The following BTBD2 variants were observed in gnomAD, a reference collection of about 807,000 sequenced individuals.
BTBD2 encodes BTB/POZ domain-containing protein 2.
In BTBD2, 15 loss-of-function variants were observed where a neutral mutation model predicts 44.0. That is an observed-to-expected ratio of 0.34 (90% CI 0.23 to 0.53). The LOEUF is 0.53. Ranked by LOEUF, BTBD2 falls within the 20% of genes least tolerant of loss-of-function variation. The probability of loss-of-function intolerance (pLI) is 0.95; values close to 1 mark genes in which losing one functional copy is unlikely to be tolerated. For synonymous variants in BTBD2, 443 were observed against 335.9 expected (o/e 1.32, Z -3.49); for missense variants, 657 against 746.4 (o/e 0.88, Z 1.39).
At chr19:1,990,873 C>G in intron 3 of BTBD2, 51 bp from the exon 4 acceptor site, 1 of 1,474,256 alleles carries the variant, frequency 6.8e-7, no homozygotes, top group Non-Finnish European at 9.2e-7. Flanking sequence ...GCACCCAGCC[C>G]TCGGCAGATC....
intron 1 of BTBD2, among the ~76,000 whole-genome samples, chr19:2,013,183 C>T (rs1157255734): frequency 6.6e-6 from 1 of 152,186 alleles, no homozygotes; most frequent in Non-Finnish European, 1.5e-5. Flanking sequence ...AGCCAGAACA[C>T]GTTAACAAAA....
chr19:1,986,656 G>A lies in BTBD2; in HGVS notation c.1417-7C>T, dbSNP rs755179400. 3.7e-6 allele frequency: 6 copies of A among 1,613,142 alleles called. No homozygotes were observed. The highest frequency in any genetic ancestry group is 5.1e-6 in the Non-Finnish European group (6 of 1,179,496). On this transcript the variant is annotated splice_polypyrimidine_tract_variant and splice_region_variant and intron_variant, in intron 8 of 8. Coordinates refer to ENST00000255608, the MANE Select transcript of BTBD2 (RefSeq NM_017797.4). Reference sequence around the variant, plus strand: ...CGTAGTGGGAGTCTGGGCCCTGTAGGGAATAGGGGTACAGTGAGGTCAAGG... The same window carrying A: ...CGTAGTGGGAGTCTGGGCCCTGTAGAGAATAGGGGTACAGTGAGGTCAAGG...
At chr19:1,995,200 C>A (rs1400937405) in intron 2 of BTBD2, among the ~76,000 whole-genome samples, 1 of 151,714 alleles carries the variant, frequency 6.6e-6, no homozygotes. Context: ...CTCCTGACCT[C>A]AGGTGATCCA....
intron 1 of BTBD2, among the ~76,000 whole-genome samples, chr19:1,999,742 C>T (rs1208277308): frequency 6.6e-6 from 1 of 151,470 alleles, no homozygotes; most frequent in Non-Finnish European, 1.5e-5. Flanking sequence ...AGGCAAATCA[C>T]CTGGGGTCAG....
Position 1,992,768 on chromosome 19 carries a change from C to T in BTBD2, c.684+252G>A, listed in dbSNP as rs372216668. Reference sequence around the variant, plus strand: ...TGTGTTTTTAGTAGAGATAGGATTTCGCCATGTTGGCCAGGCTGGTCTGGA... The same window carrying T: ...TGTGTTTTTAGTAGAGATAGGATTTTGCCATGTTGGCCAGGCTGGTCTGGA... On this transcript the variant is annotated intron_variant, in intron 3 of 8. Transcript: ENST00000255608. Among the ~76,000 whole-genome samples the T allele has an allele frequency of 2.3e-3, 348 of 152,186 alleles. 1 individual carries two copies. The highest frequency in any genetic ancestry group is 7.9e-3 in the African/African-American group (330 of 41,532).
chr19:2,010,202 GTGCA>G (rs2016447061), intron 1 of BTBD2, among the ~76,000 whole-genome samples: 1 of 152,200 alleles, frequency 6.6e-6, no homozygotes, highest in Non-Finnish European at 1.5e-5. Context: ...ACCAGCCAAT[GTGCA>G]CATCTACAAA....
intron 2 of BTBD2, 144 bp downstream of exon 2, chr19:1,997,200 C>T (rs941694151): frequency 7.9e-7 from 1 of 1,261,824 alleles, no homozygotes; most frequent in African/African-American, 1.5e-5. Flanking sequence ...AAAAAAGTGC[C>T]TCTGGAACCC....
intron 1 of BTBD2, among the ~76,000 whole-genome samples, chr19:2,009,001 G>T (rs2016428464): frequency 6.7e-6 from 1 of 149,652 alleles, no homozygotes; most frequent in Non-Finnish European, 1.5e-5. Context: ...TGAAATGTGA[G>T]ACCCCAGAAC....
At chr19:2,012,636 G>A (rs943019863) in intron 1 of BTBD2, among the ~76,000 whole-genome samples, 3 of 152,134 alleles carry the variant, frequency 2.0e-5, no homozygotes, top group Non-Finnish European at 2.9e-5. Flanking sequence ...CCCTAACCCC[G>A]CATGTCGAGG....
intron 1 of BTBD2, among the ~76,000 whole-genome samples, chr19:2,012,869 C>G (rs530610067): frequency 1.3e-5 from 2 of 152,194 alleles, no homozygotes; most frequent in Non-Finnish European, 2.9e-5. Flanking sequence ...CCACCTCCCC[C>G]CTCAAACAGA....
intron 1 of BTBD2, among the ~76,000 whole-genome samples, chr19:1,999,755 GT>G (rs1285851292): frequency 6.6e-6 from 1 of 151,004 alleles, no homozygotes; most frequent in Non-Finnish European, 1.5e-5. Flanking sequence ...GGGGTCAGGA[GT>G]TGGGAGACCA....
intron 1 of BTBD2, among the ~76,000 whole-genome samples, chr19:1,999,768 C>G (rs1363918764): frequency 6.6e-6 from 1 of 151,880 alleles, no homozygotes; most frequent in Non-Finnish European, 1.5e-5. Flanking sequence ...GGGAGACCAG[C>G]CTGGCCAACA....
intron 4 of BTBD2, chr19:1,990,509 G>C (rs2016160241): frequency 1.1e-5 from 7 of 616,162 alleles, no homozygotes; most frequent in Non-Finnish European, 1.7e-5. Context: ...CATCAGCTGG[G>C]ATGGTGGGCT....
At chr19:1,994,054 C>G (rs982840778) in intron 2 of BTBD2, among the ~76,000 whole-genome samples, 2 of 143,488 alleles carry the variant, frequency 1.4e-5, no homozygotes, top group African/African-American at 5.2e-5. Context: ...TGGTGGTTCA[C>G]GCCTGTAATC....
chr19:2,010,873 A>G (rs1354533301), intron 1 of BTBD2, among the ~76,000 whole-genome samples: 1 of 152,138 alleles, frequency 6.6e-6, no homozygotes, highest in Non-Finnish European at 1.5e-5. Flanking sequence ...CCCTGACCTC[A>G]GATGTCTGCC....
chr19:1,986,320 G>A lies in BTBD2; in HGVS notation c.*168C>T. ...CTGATCCAGCAGCCACACTCGTGGT[G>A]AACACAGGGCAACCCCGTCCTGATG... On this transcript the variant is annotated 3_prime_UTR_variant, in exon 9 of 9. Coordinates refer to ENST00000255608, the MANE Select transcript of BTBD2 (RefSeq NM_017797.4). 1 of 849,884 alleles carries A rather than the reference G, an allele frequency of 1.2e-6. No homozygotes were observed. The allele number at this position is 849,884 out of a possible 1,614,324, so 52.6% of individuals were successfully genotyped here.
chr19:1,997,674 G>A (rs2016269272), intron 1 of BTBD2, among the ~76,000 whole-genome samples: 1 of 152,204 alleles, frequency 6.6e-6, no homozygotes, highest in Non-Finnish European at 1.5e-5. Context: ...GGACAGGCAG[G>A]GCTAGGACCA....
In BTBD2 at chr19:1,986,455, C is replaced by T. The variant is rs779245603; in HGVS notation, c.*33G>A. The T allele has an allele frequency of 3.7e-6, 6 of 1,608,560 alleles. No individual in the cohort carries two copies. Among genetic ancestry groups the T allele is most frequent in the East Asian group, 2.2e-5 (1 of 44,768 alleles). ...GATGGCCTGGGGCTGCGGCTATCCC[C>T]ACGGAGGGAGGGCGGTGTCGGTGTC... On this transcript the variant is annotated 3_prime_UTR_variant, in exon 9 of 9. Coordinates refer to ENST00000255608, the MANE Select transcript of BTBD2 (RefSeq NM_017797.4).
rs1290956366 is a variant in BTBD2 at position 1,987,564 on chromosome 19, T to C, written c.1117A>G (p.Ser373Gly). Residue 373 changes from serine (S) to glycine (G), a missense_variant, in exon 6 of 9, where the codon AGC becomes GGC. Ser to Gly is a moderately conservative substitution (Grantham distance 56). This residue lies in a region of BTBD2 where 449 missense variants were observed against 510.9 expected (regional missense o/e 0.88). Coordinates refer to ENST00000255608, the MANE Select transcript of BTBD2 (RefSeq NM_017797.4). ...PRCCLRGKECSINRFQQVESR... is the reference protein window; with the variant it reads ...PRCCLRGKECGINRFQQVESR... ...TCCACCTGCTGGAAGCGGTTGATGC[T>C]GCACTCCTTCCCACGCAGGCAGCAG... 5 of 1,611,952 alleles carry C rather than the reference T, an allele frequency of 3.1e-6. No individual in the cohort carries two copies. The highest frequency in any genetic ancestry group is 4.2e-6 in the Non-Finnish European group (5 of 1,179,336).
Sources: allele counts gnomAD v4.1 joint callset (sites outside exome capture counted in the v4.1 genomes callset), GRCh38; gene constraint gnomAD v4.1.1; regional missense constraint gnomAD v4.1.1; transcripts MANE v1.5; gene names NCBI Gene and HGNC (gene_info 2026-07-23, HGNC 2026-07-21).